UNC13C: variants seen among roughly 807,000 people sequenced by gnomAD.
UNC13C encodes the protein unc-13 homolog C, also known as protein unc-13 homolog C.
A neutral mutation model predicts 245.4 loss-of-function variants in UNC13C; 174 were observed. The observed-to-expected ratio is 0.71, with a 90% CI of 0.63 to 0.80. The LOEUF (loss-of-function observed/expected upper bound fraction) is 0.80, where lower values mean the gene tolerates loss of function less well. Ranked by LOEUF, UNC13C falls within the 30% of genes least tolerant of loss-of-function variation. The pLI is 0.00. For synonymous variants in UNC13C, 992 were observed against 895.1 expected, an observed-to-expected ratio of 1.11 and a Z score of -1.93; for missense variants, 2,829 against 2,602.9, an observed-to-expected ratio of 1.09 and a Z score of -1.89.
At chr15:53,902,577 C>G in the UNC13C span, among the ~76,000 whole-genome samples, 39 of 152,258 alleles carry the variant, frequency 2.6e-4, no homozygotes, top group Non-Finnish European at 3.8e-4. Context: ...AATATTGAGA[C>G]TAGCAAGTCT....
chr15:54,475,031 T>C (rs1237806054), intron 19 of UNC13C, among the ~76,000 whole-genome samples: 2 of 151,986 alleles, frequency 1.3e-5, no homozygotes, highest in African/African-American at 4.8e-5. Flanking sequence ...ACACCTCCTA[T>C]TAGGCCCTAC....
chr15:54,608,320 A>G (rs549529299), intron 30 of UNC13C, among the ~76,000 whole-genome samples: 12 of 152,208 alleles, frequency 7.9e-5, no homozygotes, highest in Non-Finnish European at 1.6e-4. Context: ...TTTTGTCCTC[A>G]TGATCTTGTG....
Position 54,143,674 on chromosome 15 carries a change from G to T in UNC13C, c.3061G>T (p.Val1021Leu), listed in dbSNP as rs775271855. ...TGCTTCCAAATTTTCTGCACTCCAGGTGTGTGGTGGGTAAGTACCTTCATA... is the reference window on the plus strand; with the variant it reads ...TGCTTCCAAATTTTCTGCACTCCAGTTGTGTGGTGGGTAAGTACCTTCATA... The part of the protein sequence containing the change: ...LDASKFSALQ[V>L]CGGAGGGLYG... Residue 1021 changes from valine to leucine, a missense_variant, in exon 4 of 33, where the codon GTG (valine) becomes TTG (leucine). Transcript: ENST00000260323. The T allele has an allele frequency of 6.2e-7, 1 of 1,613,044 alleles. No homozygotes were observed. Among genetic ancestry groups the T allele is most frequent in the Non-Finnish European group, 8.5e-7 (1 of 1,179,204 alleles).
At chr15:53,993,545 G>A (rs1264971835) in intron 1 of UNC13C, among the ~76,000 whole-genome samples, 1 of 152,070 alleles carries the variant, frequency 6.6e-6, no homozygotes. Flanking sequence ...GAGAAGGTGA[G>A]GATGGGAGGC....
chr15:54,528,519 T>C (rs533732419), intron 25 of UNC13C, among the ~76,000 whole-genome samples: 57 of 152,204 alleles, frequency 3.7e-4, no homozygotes, highest in African/African-American at 1.4e-3. Context: ...ACCTTTTCTT[T>C]TTCTATTTTT....
chr15:53,899,593 T>C, the UNC13C span, among the ~76,000 whole-genome samples: 1 of 151,790 alleles, frequency 6.6e-6, no homozygotes, highest in African/African-American at 2.4e-5. Flanking sequence ...TCTCTCTACT[T>C]TTTTTTTAGA....
In UNC13C at chr15:54,080,415, A is replaced by G. The variant is rs1595822467; in HGVS notation, c.2984-62603A>G. On this transcript the variant is annotated intron_variant, in intron 2 of 32. Coordinates refer to ENST00000260323, the MANE Select transcript of UNC13C (RefSeq NM_001080534.3). ...GATTGGTATCAGCTCTTCTTTGTAC[A>G]TCTGGTAGAATGTGGCTATGAATCC... Among the ~76,000 whole-genome samples the G allele has an allele frequency of 2.0e-5, 3 of 152,046 alleles. No homozygotes were observed. The South Asian group carries it at 6.2e-4, about 32-fold the overall frequency.
chr15:54,317,489 G>A lies in UNC13C; in HGVS notation c.4269-4450G>A, dbSNP rs1418937166. Among the ~76,000 whole-genome samples the A allele has an allele frequency of 3.3e-5, 5 of 151,894 alleles. No individual in the cohort carries two copies. The South Asian group carries it at 6.2e-4, about 19-fold the overall frequency. Reference sequence around the variant, plus strand: ...CATCTCAAAGTATAAAATAGGCAAAGGGTGGTTTTTGATACTTCTAATCTT... The same window carrying A: ...CATCTCAAAGTATAAAATAGGCAAAAGGTGGTTTTTGATACTTCTAATCTT... On this transcript the variant is annotated intron_variant, in intron 13 of 32. Coordinates refer to ENST00000260323, the MANE Select transcript of UNC13C (RefSeq NM_001080534.3).
the UNC13C span, among the ~76,000 whole-genome samples, chr15:53,871,767 C>G: frequency 6.6e-6 from 1 of 152,138 alleles, no homozygotes; most frequent in South Asian, 2.1e-4. Flanking sequence ...TCATGCTCGC[C>G]TAGCATCTTG....
intron 19 of UNC13C, among the ~76,000 whole-genome samples, chr15:54,468,196 G>T (rs1410264896): frequency 6.6e-6 from 1 of 151,580 alleles, no homozygotes; most frequent in Non-Finnish European, 1.5e-5. Flanking sequence ...GTTTTAATTT[G>T]CATTTATCTG....
intron 13 of UNC13C, among the ~76,000 whole-genome samples, chr15:54,316,873 A>G (rs1301473420): frequency 2.6e-5 from 4 of 151,940 alleles, no homozygotes; most frequent in African/African-American, 7.2e-5. Context: ...GGCTGCCTCT[A>G]TGATTGCACT....
intron 24 of UNC13C, 24 bp from the exon 25 acceptor site, chr15:54,525,525 A>T (rs761801111): frequency 1.9e-6 from 3 of 1,592,130 alleles, no homozygotes; most frequent in African/African-American, 2.7e-5. Flanking sequence ...CTCCAAAGTA[A>T]TATTGTTTAT....
At chr15:54,027,523 C>T (rs1386489070) in intron 2 of UNC13C, among the ~76,000 whole-genome samples, 3 of 152,166 alleles carry the variant, frequency 2.0e-5, no homozygotes, top group South Asian at 2.1e-4. Context: ...GCATGTGCCA[C>T]CACGCCTGGC....
intron 30 of UNC13C, among the ~76,000 whole-genome samples, chr15:54,594,681 C>G (rs1371681080): frequency 6.6e-6 from 1 of 152,164 alleles, no homozygotes; most frequent in African/African-American, 2.4e-5. Flanking sequence ...CATCATGCCC[C>G]CTGCAACATC....
chr15:53,970,682 G>A, the UNC13C span, among the ~76,000 whole-genome samples: 1 of 152,070 alleles, frequency 6.6e-6, no homozygotes, highest in Non-Finnish European at 1.5e-5. Context: ...CCTGTTTGGG[G>A]GATGCAGAGG....
chr15:54,439,650 T>A (rs115284156), intron 19 of UNC13C, among the ~76,000 whole-genome samples: 2,488 of 152,052 alleles, frequency 0.016, 60 homozygotes, highest in African/African-American at 0.058. Context: ...CAAGTTTTTT[T>A]ATCAATATGT....
At chr15:54,233,990 A>G (rs898020759) in intron 4 of UNC13C, among the ~76,000 whole-genome samples, 7 of 152,302 alleles carry the variant, frequency 4.6e-5, no homozygotes, top group African/African-American at 1.7e-4. Context: ...AAAAAGTCAA[A>G]TTCAATGTAT....
chr15:53,909,580 C>T, the UNC13C span, among the ~76,000 whole-genome samples: 3 of 146,200 alleles, frequency 2.1e-5, no homozygotes, highest in South Asian at 2.3e-4. Context: ...AGTGAAACCC[C>T]GTTTCTACTA....
intron 4 of UNC13C, among the ~76,000 whole-genome samples, chr15:54,191,304 G>A (rs959269603): frequency 2.0e-5 from 3 of 152,060 alleles, no homozygotes; most frequent in African/African-American, 4.8e-5. Flanking sequence ...TGCAGTGTTT[G>A]GTTTTCTGTT....
Sources: gnomAD v4.1 joint callset for allele counts (sites outside exome capture counted in the v4.1 genomes callset) on GRCh38, gnomAD v4.1.1 for gene constraint, MANE v1.5 for transcripts, NCBI Gene and HGNC (gene_info 2026-07-23, HGNC 2026-07-21) for gene names.